Variants in APCDD1L observed in about 807,000 individuals in gnomAD.
APCDD1L encodes protein APCDD1-like.
A neutral mutation model predicts 24.2 loss-of-function variants in APCDD1L; 21 were observed. That is an observed-to-expected ratio of 0.87 (90% CI 0.61 to 1.25). APCDD1L has a LOEUF of 1.25. APCDD1L is among the 50% of genes most tolerant of loss of function. APCDD1L has a pLI of 0.00. For synonymous variants in APCDD1L, 321 were observed against 323.6 expected (o/e 0.99, Z 0.09); for missense variants, 704 against 711.7 (o/e 0.99, Z 0.12).
At chr20:58,462,880 A>C (rs536190129) in intron 3 of APCDD1L, among the ~76,000 whole-genome samples, 13 of 151,318 alleles carry the variant, frequency 8.6e-5, no homozygotes, top group African/African-American at 3.2e-4. Flanking sequence ...GCAGTGCCTC[A>C]TGCCTGTAAT....
chr20:58,495,521 C>A (rs991573783), intron 1 of APCDD1L, among the ~76,000 whole-genome samples: 1 of 152,246 alleles, frequency 6.6e-6, no homozygotes, highest in Admixed American at 6.5e-5. Context: ...TTCAACCCCC[C>A]TGTGCCCCGA....
At chr20:58,495,938 C>T (rs1292064467) in intron 1 of APCDD1L, among the ~76,000 whole-genome samples, 2 of 152,198 alleles carry the variant, frequency 1.3e-5, no homozygotes, top group Non-Finnish European at 2.9e-5. Flanking sequence ...CAGGCTGGGC[C>T]CCTGTGCCCA....
At position 58,470,634 on chromosome 20, in the gene APCDD1L, G is replaced by C. The variant is rs866877267; in HGVS notation, c.163C>G (p.Leu55Val). 1.9e-5 allele frequency: 30 copies of C among 1,584,798 alleles called. No homozygotes were observed. The Admixed American group carries it at 2.9e-4, about 15-fold the overall frequency. Residue 55 changes from leucine (L) to valine (V), a missense_variant, in exon 2 of 4, where the codon CTT (leucine) becomes GTT (valine). Transcript: ENST00000371149. ...VPSTAILPPRLNGPWISTGCE... is the reference protein window; with the variant it reads ...VPSTAILPPRVNGPWISTGCE... ...CCTGTGGAGATCCAAGGTCCATTAA[G>C]GCGTGGAGGCAGGATCGCAGTGCTG...
At chr20:58,498,541 T>C (rs574013498) in intron 1 of APCDD1L, among the ~76,000 whole-genome samples, 2 of 152,280 alleles carry the variant, frequency 1.3e-5, no homozygotes, top group South Asian at 4.2e-4. Context: ...GCTGCTGGCC[T>C]CGGGGGAAGC....
intron 1 of APCDD1L, among the ~76,000 whole-genome samples, chr20:58,473,944 T>A (rs950720006): frequency 5.3e-5 from 8 of 152,246 alleles, no homozygotes; most frequent in Non-Finnish European, 1.2e-4. Context: ...GCTTAAAATA[T>A]GACCTGCTTG....
In APCDD1L at chr20:58,490,839, A is replaced by G. The variant is rs557729593; in HGVS notation, c.50-20092T>C. Among the ~76,000 whole-genome samples the G allele has an allele frequency of 3.9e-5, 6 of 152,356 alleles. No homozygotes were observed. In the East Asian group the frequency reaches 1.2e-3, roughly 29 times the overall value. ...GTGAAAAGGAAAAATTAAGGACAGT[A>G]TGAGAGAGGAAAGTTATAGGCCAAT... On this transcript the variant is annotated intron_variant, in intron 1 of 3. Transcript: ENST00000371149.
intron 1 of APCDD1L, among the ~76,000 whole-genome samples, chr20:58,493,899 C>T (rs1198882637): frequency 1.3e-5 from 2 of 152,210 alleles, no homozygotes; most frequent in African/African-American, 2.4e-5. Flanking sequence ...TAACTTTCAA[C>T]TCCCCCAAAA....
intron 1 of APCDD1L, among the ~76,000 whole-genome samples, chr20:58,479,946 C>T (rs192638925): frequency 8.0e-4 from 122 of 152,284 alleles, no homozygotes; most frequent in African/African-American, 2.8e-3. Flanking sequence ...CCAGAACACC[C>T]CCAGAAGGCT....
chr20:58,484,851 C>T (rs1173446942), intron 1 of APCDD1L, among the ~76,000 whole-genome samples: 2 of 152,134 alleles, frequency 1.3e-5, no homozygotes, highest in Non-Finnish European at 2.9e-5. Flanking sequence ...CAAGTCTCTT[C>T]CTACCCCGAA....
At chr20:58,490,675 T>C (rs1990208407) in intron 1 of APCDD1L, among the ~76,000 whole-genome samples, 1 of 152,204 alleles carries the variant, frequency 6.6e-6, no homozygotes, top group Non-Finnish European at 1.5e-5. Context: ...TCTTCACTGA[T>C]TAATGTTGAA....
chr20:58,471,829 G>A (rs1402675483), intron 1 of APCDD1L, among the ~76,000 whole-genome samples: 1 of 152,226 alleles, frequency 6.6e-6, no homozygotes, highest in East Asian at 1.9e-4. Context: ...CCCAGCTCCT[G>A]CAGCGAAGCT....
chr20:58,504,772 C>T (rs778993475), intron 1 of APCDD1L, among the ~76,000 whole-genome samples: 11 of 152,072 alleles, frequency 7.2e-5, no homozygotes, highest in Admixed American at 2.0e-4. Context: ...TTTGGGGCCC[C>T]GATGTTCCCC....
intron 1 of APCDD1L, among the ~76,000 whole-genome samples, chr20:58,498,932 T>A (rs1048802991): frequency 1.1e-4 from 16 of 152,188 alleles, no homozygotes; most frequent in African/African-American, 3.9e-4. Flanking sequence ...CCATCCCACG[T>A]CTGTGGGTGG....
chr20:58,490,190 C>T (rs1356892587), intron 1 of APCDD1L, among the ~76,000 whole-genome samples: 1 of 152,156 alleles, frequency 6.6e-6, no homozygotes, highest in Admixed American at 6.5e-5. Flanking sequence ...TCTTTTTCAG[C>T]TTAACAACTC....
rs143751071 is a variant in APCDD1L at position 58,469,708 on chromosome 20, G to A, written c.188+901C>T. ...CTGCAAATGCATTCGAAGTGGCCTCGAAGGACTCATGTCCCCTTCCTCCAA... is the reference window on the plus strand; with the variant it reads ...CTGCAAATGCATTCGAAGTGGCCTCAAAGGACTCATGTCCCCTTCCTCCAA... On this transcript the variant is annotated intron_variant, in intron 2 of 3. Transcript: ENST00000371149. 1.9e-3 allele frequency among the ~76,000 whole-genome samples: 283 copies of A among 152,316 alleles called. 9 individuals are homozygous for A. In the South Asian group the frequency reaches 0.029, roughly 16 times the overall value.
chr20:58,498,596 A>G (rs1280496839), intron 1 of APCDD1L, among the ~76,000 whole-genome samples: 1 of 152,208 alleles, frequency 6.6e-6, no homozygotes, highest in Non-Finnish European at 1.5e-5. Context: ...AGGGCCCGGC[A>G]GGGCAGAGGG....
In APCDD1L at chr20:58,459,130, G is replaced by A. The variant is rs533658872; in HGVS notation, c.*1660C>T. The A allele has an allele frequency of 2.0e-5, 3 of 152,158 alleles. No individual in the cohort carries two copies. Among genetic ancestry groups the A allele is most frequent in the Non-Finnish European group, 4.4e-5 (3 of 68,040 alleles). The allele number at this position is 152,158 out of a possible 1,614,324, so 9.4% of individuals were successfully genotyped here. A position where few individuals can be genotyped will look rare whatever the true frequency, so the allele number is the denominator to read the frequency against. On this transcript the variant is annotated 3_prime_UTR_variant, in exon 4 of 4. Coordinates refer to ENST00000371149, the MANE Select transcript of APCDD1L (RefSeq NM_153360.3). The stretch of plus-strand genomic sequence containing the variant: ...TCAGGCTGTTTAATTTTATTAAAAG[G>A]TTCAAATTTGATGATAAATGGTGGC...
chr20:58,467,415 G>A lies in APCDD1L; in HGVS notation c.432C>T (p.Asp144=). ...IVFHSRRALV[D]VTGRLNQTRA... is the part of the protein sequence containing the mutation. ...GGGTCTGGTTGAGGCGCCCGGTGACGTCGACCAGGGCCCGGCGGCTGTGGA... is the reference window on the plus strand; with the variant it reads ...GGGTCTGGTTGAGGCGCCCGGTGACATCGACCAGGGCCCGGCGGCTGTGGA... The change falls in exon 3 of 4, where the codon GAC becomes GAT. Residue 144 remains aspartate, a synonymous_variant. Coordinates refer to ENST00000371149, the MANE Select transcript of APCDD1L (RefSeq NM_153360.3). The surrounding 1 kb of genome is among the most constrained non-coding windows in gnomAD (Gnocchi z 5.9). The A allele has an allele frequency of 7.7e-6, 12 of 1,550,912 alleles. No homozygotes were observed. Among genetic ancestry groups the A allele is most frequent in the Non-Finnish European group, 1.0e-5 (12 of 1,150,994 alleles).
chr20:58,486,141 C>G (rs566253589), intron 1 of APCDD1L, among the ~76,000 whole-genome samples: 1 of 152,184 alleles, frequency 6.6e-6, no homozygotes, highest in Non-Finnish European at 1.5e-5. Flanking sequence ...ATGAACATCT[C>G]ATGAATATCA....
Sources: gnomAD v4.1 joint callset for allele counts (sites outside exome capture counted in the v4.1 genomes callset) on GRCh38, gnomAD v4.1.1 for gene constraint, Gnocchi (gnomAD v3.1) non-coding constraint, MANE v1.5 for transcripts, NCBI Gene and HGNC (gene_info 2026-07-23, HGNC 2026-07-21) for gene names.